The following COL9A3 variants were observed in gnomAD, a reference collection of about 807,000 sequenced individuals.
COL9A3 encodes collagen type IX alpha 3 chain.
A neutral mutation model predicts 110.2 loss-of-function variants in COL9A3; 82 were observed. That is an observed-to-expected ratio of 0.74 (90% CI 0.62 to 0.89). The LOEUF (loss-of-function observed/expected upper bound fraction) is 0.89, where lower values mean the gene tolerates loss of function less well. Among genes scored for constraint, COL9A3 ranks in the 40% least tolerant of loss-of-function variants. The probability of loss-of-function intolerance (pLI) is 0.00; values close to 1 mark genes in which losing one functional copy is unlikely to be tolerated. For synonymous variants in COL9A3, 494 were observed against 403.8 expected (o/e 1.22, Z -2.68); for missense variants, 1,066 against 981.3 (o/e 1.09, Z -1.15).
intron 9 of COL9A3, 59 bp downstream of exon 9, chr20:62,822,223 ACCCTCCCCATTCC>A (rs2147201520): frequency 5.2e-6 from 5 of 959,646 alleles, no homozygotes; most frequent in East Asian, 4.8e-5. Context: ...ACTGGGTTGG[ACCCTCCCCATTCC>A]CCCTCCCCAG....
At chr20:62,817,522 C>A in intron 1 of COL9A3, 45 bp from the exon 2 acceptor site, 1 of 1,381,092 alleles carries the variant, frequency 7.2e-7, no homozygotes. Flanking sequence ...CCGGGTCAGG[C>A]CCACGGGGGC....
chr20:62,820,378 C>T (rs968164586), intron 5 of COL9A3, among the ~76,000 whole-genome samples: 6 of 151,970 alleles, frequency 3.9e-5, no homozygotes, highest in African/African-American at 7.2e-5. Flanking sequence ...TTTACCCTGA[C>T]GGAGCGGCAC....
intron 17 of COL9A3, among the ~76,000 whole-genome samples, chr20:62,828,179 G>T (rs6011407): frequency 6.6e-6 from 1 of 152,232 alleles, no homozygotes; most frequent in Admixed American, 6.5e-5. Context: ...AGGGGCCTCA[G>T]GCTGGGTTTA....
intron 31 of COL9A3, 24 bp from the exon 32 acceptor site, chr20:62,840,518 C>A: frequency 6.2e-7 from 1 of 1,606,000 alleles, no homozygotes; most frequent in Non-Finnish European, 8.5e-7. Context: ...TGCAGCTGAA[C>A]TCACCTTTCT....
intron 2 of COL9A3, 128 bp from the exon 3 acceptor site, chr20:62,818,390 G>A (rs1032459833): frequency 5.6e-6 from 5 of 895,454 alleles, no homozygotes; most frequent in African/African-American, 3.3e-5. Flanking sequence ...GGGCTCAGGG[G>A]CCCCTTTTGT....
Position 62,832,150 on chromosome 20 carries a change from C to A in COL9A3, c.1288-4C>A, listed in dbSNP as rs780687561. The A allele has an allele frequency of 1.2e-6, 2 of 1,612,854 alleles. No individual in the cohort carries two copies. Among genetic ancestry groups the A allele is most frequent in the Admixed American group, 3.3e-5 (2 of 60,018 alleles). On this transcript the variant is annotated splice_polypyrimidine_tract_variant and splice_region_variant and intron_variant, in intron 24 of 31. Coordinates refer to ENST00000649368, the MANE Select transcript of COL9A3 (RefSeq NM_001853.4). ...CTAATCCAGAGCCTTCTCTCCACAT[C>A]CAGGGTCCGGGAGGTGCCGCAGGCC... is the stretch of plus-strand genomic sequence containing the variant.
At chr20:62,824,922 GT>G in intron 11 of COL9A3, 45 bp from the exon 12 acceptor site, 1 of 1,573,772 alleles carries the variant, frequency 6.4e-7, no homozygotes, top group Non-Finnish European at 8.6e-7. Context: ...CAGGGAGGGG[GT>G]GTCGGGGGGT....
chr20:62,820,101 C>A, intron 5 of COL9A3, 119 bp downstream of exon 5: 2 of 1,236,782 alleles, frequency 1.6e-6, no homozygotes, highest in Non-Finnish European at 1.2e-6. Flanking sequence ...GCTGCCCTGC[C>A]CGTGCCTGGG....
intron 2 of COL9A3, among the ~76,000 whole-genome samples, chr20:62,818,103 C>A (rs1356525295): frequency 6.6e-6 from 1 of 152,132 alleles, no homozygotes; most frequent in Non-Finnish European, 1.5e-5. Context: ...GAGGAGGCGG[C>A]TGAAATTCTA....
At position 62,828,387 on chromosome 20, in the gene COL9A3, G is replaced by A. The variant is rs1384068466; in HGVS notation, c.901-377G>A. On this transcript the variant is annotated intron_variant, in intron 17 of 31. Coordinates refer to ENST00000649368, the MANE Select transcript of COL9A3 (RefSeq NM_001853.4). ...GTGCCCTGTCTTGGGACACCCAGCA[G>A]TTGGCTGTGTCCTGATTCCAAAACC... Among the ~76,000 whole-genome samples, 5 of 152,254 alleles carry A rather than the reference G, an allele frequency of 3.3e-5. No individual in the cohort carries two copies. In the East Asian group the frequency reaches 9.6e-4, roughly 29 times the overall value.
intron 5 of COL9A3, among the ~76,000 whole-genome samples, chr20:62,820,871 G>A (rs2063507358): frequency 6.6e-6 from 1 of 152,212 alleles, no homozygotes; most frequent in African/African-American, 2.4e-5. Flanking sequence ...GGCTCCGTGG[G>A]TGGGTTATCG....
chr20:62,822,773 C>G (rs1261069228), intron 10 of COL9A3, 141 bp downstream of exon 10: 1 of 857,690 alleles, frequency 1.2e-6, no homozygotes, highest in South Asian at 1.4e-5. Flanking sequence ...TCAGAGCAGA[C>G]AGCTCGGGCA....
chr20:62,817,688 C>T, intron 2 of COL9A3, 53 bp downstream of exon 2: 2 of 1,240,600 alleles, frequency 1.6e-6, no homozygotes, highest in Non-Finnish European at 2.2e-6. Flanking sequence ...TGGCTCTGGC[C>T]CCCACCTCCC....
At chr20:62,838,793 G>A in intron 31 of COL9A3, 32 bp downstream of exon 31, 1 of 1,516,676 alleles carries the variant, frequency 6.6e-7, no homozygotes, top group Non-Finnish European at 9.0e-7. Context: ...GGCTTCACTG[G>A]GTGACATCTC....
chr20:62,825,363 C>T (rs190192110), intron 12 of COL9A3: 39 of 325,384 alleles, frequency 1.2e-4, no homozygotes, highest in Admixed American at 4.2e-4. Context: ...TGTCTGTGGC[C>T]GGGGCGAGGG....
At chr20:62,825,502 G>T in intron 12 of COL9A3, 1 of 509,122 alleles carries the variant, frequency 2.0e-6, no homozygotes, top group East Asian at 3.5e-5. Flanking sequence ...TAGCGTGGCT[G>T]GAGTGATCAG....
chr20:62,824,309 T>C, intron 10 of COL9A3, 136 bp from the exon 11 acceptor site: 1 of 861,192 alleles, frequency 1.2e-6, no homozygotes, highest in Non-Finnish European at 1.9e-6. Context: ...TGGGGTCCTG[T>C]CACCATGAGG....
Position 62,837,148 on chromosome 20 carries a change from G to A in COL9A3, c.1669G>A (p.Gly557Ser), listed in dbSNP as rs761295091. 13 of 1,613,102 alleles carry A rather than the reference G, an allele frequency of 8.1e-6. No homozygotes were observed. Among genetic ancestry groups the A allele is most frequent in the South Asian group, 1.1e-5 (1 of 91,084 alleles). Residue 557 changes from glycine (G) to serine (S), a missense_variant, in exon 30 of 32, where the codon GGT becomes AGT. Transcript: ENST00000649368. ...GGCACCCGGGTCCATTGGTCGGCCC[G>A]GTCCAGCTGGCCCCCCTGGGCCCCC... Reference protein sequence around the residue: ...PLAPGSIGRPGPAGPPGPPGP... With the variant: ...PLAPGSIGRPSPAGPPGPPGP...
chr20:62,832,250 G>C, intron 25 of COL9A3, 61 bp downstream of exon 25: 2 of 1,545,888 alleles, frequency 1.3e-6, no homozygotes, highest in Non-Finnish European at 1.8e-6. Context: ...CTTCTCCCAG[G>C]CTCCTCCTGT....
Sources: gnomAD v4.1 joint callset for allele counts (sites outside exome capture counted in the v4.1 genomes callset) on GRCh38, gnomAD v4.1.1 for gene constraint, MANE v1.5 for transcripts, NCBI Gene and HGNC (gene_info 2026-07-23, HGNC 2026-07-21) for gene names.